SFI1: variants seen among roughly 807,000 people sequenced by gnomAD.
SFI1 encodes protein SFI1 homolog.
A neutral mutation model predicts 207.5 loss-of-function variants in SFI1; 195 were observed. The ratio of observed to expected loss-of-function variants is 0.94; its 90% confidence interval spans 0.84 to 1.06. SFI1 has a LOEUF of 1.06. Among genes scored for constraint, SFI1 ranks in the 50% least tolerant of loss-of-function variants. SFI1 has a pLI of 0.00. For synonymous variants in SFI1, 630 were observed against 598.9 expected (o/e 1.05, Z -0.76); for missense variants, 1,634 against 1,588.0 (o/e 1.03, Z -0.49).
chr22:31,611,884 C>G, intron 24 of SFI1, 44 bp downstream of exon 24: 1 of 1,609,924 alleles, frequency 6.2e-7, no homozygotes, highest in South Asian at 1.1e-5. Context: ...CTTCTCCATC[C>G]TCTGGCCTGT....
At chr22:31,549,123 C>CA (rs1162103278) in intron 5 of SFI1, among the ~76,000 whole-genome samples, 1 of 150,734 alleles carries the variant, frequency 6.6e-6, no homozygotes, top group South Asian at 2.1e-4. Context: ...TCCCCCTCTA[C>CA]AAAAAAATAC....
In SFI1 at chr22:31,606,098, A is replaced by G. The variant is rs1229419891; in HGVS notation, c.2055-230A>G. 5 of 518,886 alleles carry G rather than the reference A, an allele frequency of 9.6e-6. No individual in the cohort carries two copies. In the East Asian group the frequency reaches 1.6e-4, roughly 17 times the overall value. The allele number at this position is 518,886 out of a possible 1,614,324, so 32.1% of individuals were successfully genotyped here. A position where few individuals can be genotyped will look rare whatever the true frequency, so the allele number is the denominator to read the frequency against. On this transcript the variant is annotated intron_variant, in intron 20 of 32. Transcript: ENST00000400288. ...CCGTAGCACCTGGAGTTTGGTCTCC[A>G]GCAGTGCTGGGTCCCTCATGCACTC...
At chr22:31,505,889 G>A (rs903658568) in intron 1 of SFI1, among the ~76,000 whole-genome samples, 8 of 151,526 alleles carry the variant, frequency 5.3e-5, no homozygotes, top group Non-Finnish European at 1.0e-4. Context: ...GGGTGACAGC[G>A]TGAGAAAGAA....
chr22:31,507,991 G>T (rs931944978), intron 1 of SFI1, among the ~76,000 whole-genome samples: 5 of 152,052 alleles, frequency 3.3e-5, no homozygotes, highest in Non-Finnish European at 1.5e-5. Context: ...CAGGAGAATC[G>T]CTTGAGCCCA....
chr22:31,546,968 ACAGGT>A lies in SFI1; in HGVS notation c.449+3_449+7del. 6.2e-7 allele frequency: 1 copy of A among 1,602,430 alleles called. No homozygotes were observed. The highest frequency in any genetic ancestry group is 8.5e-7 in the Non-Finnish European group (1 of 1,171,806). On this transcript the variant is annotated splice_donor_variant and coding_sequence_variant, in exon 5 of 33. Coordinates refer to ENST00000400288, the MANE Select transcript of SFI1 (RefSeq NM_001007467.3). LOFTEE classifies it high-confidence loss of function. ...CTCTGTGTTCGAGCTGACTGTCACT[ACAGGT>A]CAGGTTTCATGTTACACTCCTTCAG...
chr22:31,570,962 C>G (rs144303111), intron 8 of SFI1, among the ~76,000 whole-genome samples: 1 of 152,116 alleles, frequency 6.6e-6, no homozygotes, highest in Admixed American at 6.6e-5. Context: ...TTGGATTGAG[C>G]GATGTGGAGA....
rs749355924 is a variant in SFI1, at chr22:31,602,644, C to T, written c.1664C>T (p.Ser555Phe). 2.5e-6 allele frequency: 4 copies of T among 1,614,098 alleles called. No individual in the cohort carries two copies. Among genetic ancestry groups the T allele is most frequent in the Non-Finnish European group, 3.4e-6 (4 of 1,180,052 alleles). ...GCAGAGCGACAGCTTCTGTATAGGT[C>T]TTGGTTCATGTGGCACCAGCAGGCA... is the stretch of plus-strand genomic sequence containing the variant. ...LHAERQLLYR[S>F]WFMWHQQAAA... The change falls in exon 17 of 33, where the codon TCT becomes TTT. Residue 555 changes from serine to phenylalanine, a missense_variant. By Grantham distance (155) the Ser-to-Phe change is radical. Coordinates refer to ENST00000400288, the MANE Select transcript of SFI1 (RefSeq NM_001007467.3).
intron 8 of SFI1, among the ~76,000 whole-genome samples, chr22:31,567,576 G>T (rs187156612): frequency 0.012 from 1,858 of 151,640 alleles, 11 homozygotes; most frequent in Middle Eastern, 0.031. Context: ...GGAGGGGGGG[G>T]GTGTGTGTGT....
At chr22:31,538,095 C>G (rs932680560) in intron 4 of SFI1, among the ~76,000 whole-genome samples, 8 of 152,126 alleles carry the variant, frequency 5.3e-5, no homozygotes, top group Non-Finnish European at 1.2e-4. Context: ...CCTCAGCCTG[C>G]CAAGTAGCTG....
intron 8 of SFI1, among the ~76,000 whole-genome samples, chr22:31,561,617 A>G (rs2061711206): frequency 6.6e-6 from 1 of 152,226 alleles, no homozygotes. Context: ...TGCTTCTGGT[A>G]ATTGTGGAGC....
At chr22:31,597,972 T>A (rs1033869579) in intron 15 of SFI1, among the ~76,000 whole-genome samples, 4 of 151,638 alleles carry the variant, frequency 2.6e-5, no homozygotes, top group Non-Finnish European at 5.9e-5. Flanking sequence ...GTTCGATGAG[T>A]TTTCATAGGT....
At chr22:31,506,841 T>C (rs1449779799) in intron 1 of SFI1, among the ~76,000 whole-genome samples, 1 of 152,094 alleles carries the variant, frequency 6.6e-6, no homozygotes, top group Non-Finnish European at 1.5e-5. Flanking sequence ...TACAAACCAC[T>C]GCTCAAAGAA....
At chr22:31,598,977 A>G (rs2067658394) in intron 15 of SFI1, among the ~76,000 whole-genome samples, 1 of 148,770 alleles carries the variant, frequency 6.7e-6, no homozygotes, top group South Asian at 2.1e-4. Flanking sequence ...TGTTTTTAGT[A>G]GAGACGGGGT....
chr22:31,507,322 A>G (rs1412704056), intron 1 of SFI1, among the ~76,000 whole-genome samples: 1 of 152,148 alleles, frequency 6.6e-6, no homozygotes, highest in African/African-American at 2.4e-5. Flanking sequence ...TTGAAGCTGG[A>G]CCCCTTCTTT....
Position 31,603,832 on chromosome 22 carries a change from T to TG in SFI1, c.1881+14dup. On this transcript the variant is annotated intron_variant, in intron 18 of 32. Transcript: ENST00000400288. The stretch of plus-strand genomic sequence containing the variant: ...CCAGTGGAGGGAGGTAAGGCTTTGG[T>TG]GCGAGGTGCCACCCGTGTATGACTT... The TG allele has an allele frequency of 6.4e-7, 1 of 1,574,750 alleles. No individual in the cohort carries two copies.
intron 8 of SFI1, among the ~76,000 whole-genome samples, chr22:31,567,313 T>C (rs1164692716): frequency 3.3e-5 from 5 of 152,218 alleles, no homozygotes; most frequent in African/African-American, 1.2e-4. Flanking sequence ...TCATAATATA[T>C]TGCTGAGCTT....
rs1302421717 is a variant in SFI1, at chr22:31,613,187, TG to T, written c.2538del (p.Trp846CysfsTer55). 4.3e-6 allele frequency: 7 copies of T among 1,613,726 alleles called. No homozygotes were observed. The highest frequency in any genetic ancestry group is 5.9e-6 in the Non-Finnish European group (7 of 1,180,028). ...QEQRATVRALWFWAFSLQAKV... is the reference protein window; with the variant it reads ...QEQRATVRALXFWAFSLQAKV... ...GCAGCGGGCGACAGTGCGGGCCCTG[TG>T]GTTCTGGGCCTTCTCGCTGCAGGCA... is the stretch of plus-strand genomic sequence containing the variant. On this transcript the variant is annotated frameshift_variant, in exon 25 of 33. Coordinates refer to ENST00000400288, the MANE Select transcript of SFI1 (RefSeq NM_001007467.3). LOFTEE classifies it high-confidence loss of function.
Position 31,578,411 on chromosome 22 carries a change from C to A in SFI1, c.1114C>A (p.Gln372Lys), listed in dbSNP as rs199729631. 9.2e-5 allele frequency: 148 copies of A among 1,613,734 alleles called. No individual in the cohort carries two copies. The African/African-American group carries it at 1.7e-3, about 18-fold the overall frequency. The change falls in exon 11 of 33, where the codon CAG becomes AAG. Residue 372 changes from glutamine (Q) to lysine (K), a missense_variant. Gln to Lys is a moderately conservative substitution (Grantham distance 53). Coordinates refer to ENST00000400288, the MANE Select transcript of SFI1 (RefSeq NM_001007467.3). ...YMLLCAEEAA[Q>K]FEMAEEHHRH... ...GCTGCTGTGTGCAGAAGAAGCTGCC[C>A]AGTTTGAGATGGCAGAAGAGCACCA...
intron 8 of SFI1, among the ~76,000 whole-genome samples, chr22:31,565,035 G>A (rs2145581062): frequency 6.8e-6 from 1 of 148,132 alleles, no homozygotes; most frequent in African/African-American, 2.5e-5. Context: ...ATGTTAGCCA[G>A]GATGGTCTCG....
Sources: gnomAD v4.1 joint callset for allele counts (sites outside exome capture counted in the v4.1 genomes callset) on GRCh38, gnomAD v4.1.1 for gene constraint, MANE v1.5 for transcripts, NCBI Gene and HGNC (gene_info 2026-07-23, HGNC 2026-07-21) for gene names.